Variants in SPICE1 observed in about 807,000 individuals in gnomAD.
The protein encoded by SPICE1 is spindle and centriole-associated protein 1.
SPICE1 carries 75 observed loss-of-function variants against 102.7 expected under a neutral mutation model. The ratio of observed to expected loss-of-function variants is 0.73; its 90% CI spans 0.61 to 0.88. SPICE1 has a LOEUF of 0.88. SPICE1 is among the 40% of genes least tolerant of loss of function. SPICE1 has a pLI of 0.00. For synonymous variants in SPICE1, 308 were observed against 350.3 expected, an observed-to-expected ratio of 0.88 and a Z score of 1.35; for missense variants, 979 against 1,020.1, an observed-to-expected ratio of 0.96 and a Z score of 0.55.
At chr3:113,499,687 T>C (rs1936971589) in intron 3 of SPICE1, 105 bp from the exon 4 acceptor site, 2 of 1,171,092 alleles carry the variant, frequency 1.7e-6, no homozygotes, top group Non-Finnish European at 2.3e-6. Context: ...TTAAACTTTT[T>C]CTGGTCCAAT....
At chr3:113,470,089 G>A (rs1472032514) in intron 7 of SPICE1, among the ~76,000 whole-genome samples, 2 of 152,180 alleles carry the variant, frequency 1.3e-5, no homozygotes, top group Non-Finnish European at 2.9e-5. Flanking sequence ...TCACTGATAA[G>A]GTTGATATTT....
chr3:113,460,694 C>T lies in SPICE1; in HGVS notation c.1358G>A (p.Cys453Tyr), dbSNP rs778421846. Residue 453 changes from cysteine to tyrosine, a missense_variant, in exon 12 of 18, where the codon TGT becomes TAT. By Grantham distance (194) the Cys-to-Tyr change is radical. Transcript: ENST00000295872. Reference sequence around the variant, plus strand: ...TTCTTGTCTGTTATTTATCACAGGACAGTTCTTAATAGCATGTGTGAGTGA... The same window carrying T: ...TTCTTGTCTGTTATTTATCACAGGATAGTTCTTAATAGCATGTGTGAGTGA... ...LISLTHAIKN[C>Y]PVINNRQEIQ... The T allele has an allele frequency of 5.0e-6, 8 of 1,613,758 alleles. No homozygotes were observed. Among genetic ancestry groups the T allele is most frequent in the Non-Finnish European group, 6.8e-6 (8 of 1,179,902 alleles).
At chr3:113,482,132 T>G (rs1056074646) in intron 7 of SPICE1, among the ~76,000 whole-genome samples, 3 of 152,238 alleles carry the variant, frequency 2.0e-5, no homozygotes, top group Admixed American at 6.5e-5. Context: ...GGTATCTCAT[T>G]GTGGTTTTGA....
chr3:113,477,125 G>A (rs1393718841), intron 7 of SPICE1, among the ~76,000 whole-genome samples: 2 of 151,980 alleles, frequency 1.3e-5, no homozygotes, highest in South Asian at 2.1e-4. Context: ...GTGGGCAAAG[G>A]ACATGAACAG....
rs562519648 is a variant in SPICE1, at chr3:113,485,383, G to C, written c.611+3562C>G. On this transcript the variant is annotated intron_variant, in intron 7 of 17. Transcript: ENST00000295872. Reference sequence around the variant, plus strand: ...AATCTGAGATCAACCTGGGACGCTCGAGCTTGGTGGGGGAAGGGGCAGCTG... The same window carrying C: ...AATCTGAGATCAACCTGGGACGCTCCAGCTTGGTGGGGGAAGGGGCAGCTG... 1.5e-3 allele frequency among the ~76,000 whole-genome samples: 224 copies of C among 152,232 alleles called. 1 individual carries two copies. Among genetic ancestry groups the C allele is most frequent in the African/African-American group, 5.1e-3 (213 of 41,546 alleles).
In SPICE1 at chr3:113,514,917, G is replaced by A. The variant is rs1326189465; in HGVS notation, c.-21C>T. 2.6e-6 allele frequency: 3 copies of A among 1,140,290 alleles called. No homozygotes were observed. The highest frequency in any genetic ancestry group is 1.6e-5 in the South Asian group (1 of 61,542). The allele number at this position is 1,140,290 out of a possible 1,614,324, so 70.6% of individuals were successfully genotyped here. A position where few individuals can be genotyped will look rare whatever the true frequency, so the allele number is the denominator to read the frequency against. On this transcript the variant is annotated 5_prime_UTR_variant, in exon 1 of 18. Transcript: ENST00000295872. ...CGTACTTGCACTCTCAAAACACAGA[G>A]CCGCGGCTGCGCTTCCTGAAGTAAG...
At chr3:113,511,985 A>G (rs1385389340) in intron 1 of SPICE1, among the ~76,000 whole-genome samples, 1 of 152,180 alleles carries the variant, frequency 6.6e-6, no homozygotes, top group Non-Finnish European at 1.5e-5. Flanking sequence ...ATTTTCTATA[A>G]TGGACCTATG....
intron 15 of SPICE1, chr3:113,450,132 T>A (rs1000908467): frequency 1.7e-6 from 1 of 586,588 alleles, no homozygotes; most frequent in Non-Finnish European, 3.0e-6. Flanking sequence ...ATAGGCATCA[T>A]AGGATAGAAA....
rs768982206 is a variant in SPICE1, at chr3:113,453,933, G to C, written c.1675C>G (p.Gln559Glu). 3 of 1,612,742 alleles carry C rather than the reference G, an allele frequency of 1.9e-6. No homozygotes were observed. The highest frequency in any genetic ancestry group is 2.5e-6 in the Non-Finnish European group (3 of 1,179,228). Residue 559 changes from glutamine to glutamate, a missense_variant, in exon 14 of 18, where the codon CAA (glutamine) becomes GAA (glutamate). Gln to Glu is a conservative substitution (Grantham distance 29). Coordinates refer to ENST00000295872, the MANE Select transcript of SPICE1 (RefSeq NM_144718.4). Reference sequence around the variant, plus strand: ...GGAAGTCGTGGAGCAGGACGAGTTTGAACAGTCCTTCTCAATACTATAGAT... The same window carrying C: ...GGAAGTCGTGGAGCAGGACGAGTTTCAACAGTCCTTCTCAATACTATAGAT... The part of the protein sequence containing the change: ...PLQDVLRRTV[Q>E]TRPAPRLPPT...
intron 7 of SPICE1, among the ~76,000 whole-genome samples, chr3:113,477,023 G>C (rs796193360): frequency 7.2e-5 from 11 of 151,846 alleles, no homozygotes; most frequent in Non-Finnish European, 1.5e-4. Context: ...GAAAATTTTC[G>C]CAACCTACTC....
intron 10 of SPICE1, 59 bp downstream of exon 10, chr3:113,468,080 G>GA (rs34618901): frequency 7.1e-6 from 11 of 1,553,898 alleles, no homozygotes; most frequent in Admixed American, 6.1e-5. Context: ...AAATGGAAAG[G>GA]AAAAAAAACT....
Position 113,469,176 on chromosome 3 carries a change from T to C in SPICE1, c.674A>G (p.Gln225Arg). 6.2e-7 allele frequency: 1 copy of C among 1,613,328 alleles called. No individual in the cohort carries two copies. Among genetic ancestry groups the C allele is most frequent in the Non-Finnish European group, 8.5e-7 (1 of 1,179,620 alleles). The change falls in exon 8 of 18, where the codon CAG becomes CGG. Residue 225 changes from glutamine to arginine, a missense_variant. Coordinates refer to ENST00000295872, the MANE Select transcript of SPICE1 (RefSeq NM_144718.4). ...TTGTGACTGGGTTGCTATTTTCTGCTGAATGTCAGTCCACAACTTACTAAT... is the reference window on the plus strand; with the variant it reads ...TTGTGACTGGGTTGCTATTTTCTGCCGAATGTCAGTCCACAACTTACTAAT... ...ELISKLWTDI[Q>R]QKIATQSQIT...
intron 7 of SPICE1, among the ~76,000 whole-genome samples, chr3:113,485,541 G>C (rs375073687): frequency 2.0e-5 from 3 of 151,994 alleles, no homozygotes; most frequent in Non-Finnish European, 2.9e-5. Context: ...CTCCTCAATG[G>C]GCAGAACATG....
intron 10 of SPICE1, among the ~76,000 whole-genome samples, chr3:113,467,172 A>G (rs1419105266): frequency 6.6e-6 from 1 of 152,272 alleles, no homozygotes; most frequent in Non-Finnish European, 1.5e-5. Context: ...TCATATTTGT[A>G]TAACAGGCTT....
chr3:113,446,477 A>G, intron 17 of SPICE1, 112 bp downstream of exon 17: 1 of 818,068 alleles, frequency 1.2e-6, no homozygotes, highest in Admixed American at 2.4e-5. Context: ...TTTTAAGAAT[A>G]TCATACCAGC....
At chr3:113,510,765 A>G (rs1276620243) in intron 1 of SPICE1, among the ~76,000 whole-genome samples, 4 of 152,230 alleles carry the variant, frequency 2.6e-5, no homozygotes, top group South Asian at 2.1e-4. Flanking sequence ...AACTTAACAA[A>G]TGGAATCCAA....
intron 6 of SPICE1, among the ~76,000 whole-genome samples, chr3:113,491,892 G>A (rs1936777405): frequency 6.6e-6 from 1 of 152,162 alleles, no homozygotes; most frequent in South Asian, 2.1e-4. Flanking sequence ...ATGGTAATAA[G>A]CTCAAGTGTG....
intron 6 of SPICE1, among the ~76,000 whole-genome samples, chr3:113,490,189 A>AT (rs1287897366): frequency 1.3e-5 from 2 of 152,222 alleles, no homozygotes; most frequent in Non-Finnish European, 2.9e-5. Context: ...CAAAAGGCCT[A>AT]TATCAACCTT....
intron 7 of SPICE1, among the ~76,000 whole-genome samples, chr3:113,477,967 G>GAA (rs200944027): frequency 6.8e-6 from 1 of 146,492 alleles, no homozygotes; most frequent in Non-Finnish European, 1.5e-5. Flanking sequence ...AGAATCTGCC[G>GAA]AAAAAAAAGC....
Sources: gnomAD v4.1 joint callset for allele counts (sites outside exome capture counted in the v4.1 genomes callset) on GRCh38, gnomAD v4.1.1 for gene constraint, MANE v1.5 for transcripts, NCBI Gene and HGNC (gene_info 2026-07-23, HGNC 2026-07-21) for gene names.